CEP19: variants seen among roughly 807,000 people sequenced by gnomAD.
The protein encoded by CEP19 is centrosomal protein 19, also known as centrosomal protein of 19 kDa.
In CEP19, 14 loss-of-function variants were observed where a neutral mutation model predicts 17.5. The observed-to-expected ratio is 0.80, with a 90% CI of 0.53 to 1.25. CEP19 has a LOEUF of 1.25. CEP19 is among the 50% of genes most tolerant of loss of function. The pLI is 0.00. For missense variants in CEP19, 193 were observed against 192.0 expected, an observed-to-expected ratio of 1.01 and a Z score of -0.03; for synonymous variants, 59 against 65.5, an observed-to-expected ratio of 0.90 and a Z score of 0.48.
rs1428033110 is a variant in CEP19 at position 196,708,735 on chromosome 3, G to A, written c.-70-8C>T. The A allele has an allele frequency of 2.7e-6, 4 of 1,455,538 alleles. No individual in the cohort carries two copies. Among genetic ancestry groups the A allele is most frequent in the Non-Finnish European group, 3.8e-6 (4 of 1,058,500 alleles). The allele number at this position is 1,455,538 out of a possible 1,614,324, so 90.2% of individuals were successfully genotyped here. On this transcript the variant is annotated splice_polypyrimidine_tract_variant and splice_region_variant and intron_variant, in intron 1 of 2. Coordinates refer to ENST00000409690, the MANE Select transcript of CEP19 (RefSeq NM_032898.5). ...TTGCATAATGACTTCCTGCTAAAGG[G>A]AAAAAACAACTAGGTGTTGGATAAA...
In CEP19 at chr3:196,708,685, A is replaced by G; in HGVS notation, c.-28T>C. On this transcript the variant is annotated 5_prime_UTR_variant, in exon 2 of 3. Coordinates refer to ENST00000409690, the MANE Select transcript of CEP19 (RefSeq NM_032898.5). ...CCATGTACATGTCCGGGTAAGTCAG[A>G]GGAAATCTGATGAATATGTGTAAGT... 1 of 1,611,104 alleles carries G rather than the reference A, an allele frequency of 6.2e-7. No individual in the cohort carries two copies. The highest frequency in any genetic ancestry group is 1.1e-5 in the South Asian group (1 of 90,820).
chr3:196,712,150 A>T lies in CEP19; in HGVS notation c.-292T>A, dbSNP rs1711828830. 7.0e-6 allele frequency: 4 copies of T among 574,924 alleles called. No individual in the cohort carries two copies. The highest frequency in any genetic ancestry group is 1.3e-5 in the Non-Finnish European group (4 of 317,430). The allele number at this position is 574,924 out of a possible 1,614,324, so 35.6% of individuals were successfully genotyped here. ...CGAACCCTCAAACACCGGGAAGCGG[A>T]GGTGGGGGCCGGCTGGGGGACCGGT... On this transcript the variant is annotated 5_prime_UTR_variant, in exon 1 of 3. Coordinates refer to ENST00000409690, the MANE Select transcript of CEP19 (RefSeq NM_032898.5).
At position 196,707,430 on chromosome 3, in the gene CEP19, G is replaced by GTT. The variant is rs1214334513; in HGVS notation, c.*120_*121insAA. ...GCTTTAAATGTCCTGGTTTTGAAAA[G>GTT]TAACATGGTCAATCCCCTATAACCC... On this transcript the variant is annotated 3_prime_UTR_variant, in exon 3 of 3. Transcript: ENST00000409690. The GTT allele has an allele frequency of 7.2e-6, 8 of 1,110,172 alleles. No individual in the cohort carries two copies. The East Asian group carries it at 1.9e-4, about 26-fold the overall frequency. The allele number at this position is 1,110,172 out of a possible 1,614,324, so 68.8% of individuals were successfully genotyped here.
At chr3:196,711,096 T>C (rs1053236357) in intron 1 of CEP19, among the ~76,000 whole-genome samples, 21 of 140,418 alleles carry the variant, frequency 1.5e-4, no homozygotes, top group Admixed American at 4.3e-4. Flanking sequence ...CAGTTGGTAC[T>C]CAAATAATGT....
chr3:196,709,281 G>A (rs1461150381), intron 1 of CEP19, among the ~76,000 whole-genome samples: 9 of 152,158 alleles, frequency 5.9e-5, no homozygotes, highest in Admixed American at 3.3e-4. Context: ...TGTCCTGAGA[G>A]GTTCACCAAT....
chr3:196,710,160 T>C (rs1359217501), intron 1 of CEP19, among the ~76,000 whole-genome samples: 1 of 152,238 alleles, frequency 6.6e-6, no homozygotes, highest in Non-Finnish European at 1.5e-5. Context: ...TGTAACATTT[T>C]ATATGACTGC....
At chr3:196,710,764 C>G (rs1325153107) in intron 1 of CEP19, among the ~76,000 whole-genome samples, 1 of 149,638 alleles carries the variant, frequency 6.7e-6, no homozygotes, top group Non-Finnish European at 1.5e-5. Context: ...ATCGCCTGAA[C>G]CCAGGAGTTT....
chr3:196,711,935 A>T lies in CEP19; in HGVS notation c.-77T>A. On this transcript the variant is annotated 5_prime_UTR_variant, in exon 1 of 3. Transcript: ENST00000409690. Reference sequence around the variant, plus strand: ...GCAAGGCTGGCTTTCTTACCCTTAGAGGAATACAGAAATGACATCGTCTGC... The same window carrying T: ...GCAAGGCTGGCTTTCTTACCCTTAGTGGAATACAGAAATGACATCGTCTGC... The T allele has an allele frequency of 1.4e-6, 1 of 717,490 alleles. No individual in the cohort carries two copies. The highest frequency in any genetic ancestry group is 1.5e-5 in the South Asian group (1 of 67,606). The allele number at this position is 717,490 out of a possible 1,614,324, so 44.4% of individuals were successfully genotyped here.
In CEP19 at chr3:196,707,919, G is replaced by T; in HGVS notation, c.131-7C>A. On this transcript the variant is annotated splice_region_variant and splice_polypyrimidine_tract_variant and intron_variant, in intron 2 of 2. Coordinates refer to ENST00000409690, the MANE Select transcript of CEP19 (RefSeq NM_032898.5). ...TCAGCAGCTCTGGTGCAATCTGGGA[G>T]AGAGAAGAAAACTATATACCACATA... is the stretch of plus-strand genomic sequence containing the variant. 2 of 1,606,022 alleles carry T rather than the reference G, an allele frequency of 1.2e-6. No individual in the cohort carries two copies. Among genetic ancestry groups the T allele is most frequent in the South Asian group, 1.1e-5 (1 of 90,930 alleles).
At chr3:196,711,875 T>G in intron 1 of CEP19, 54 bp downstream of exon 1, 1 of 717,002 alleles carries the variant, frequency 1.4e-6, no homozygotes, top group Non-Finnish European at 2.6e-6. Flanking sequence ...CCCCAAAGAG[T>G]AGACGATTCT....
At chr3:196,708,753 T>C in intron 1 of CEP19, 26 bp from the exon 2 acceptor site, 2 of 1,276,508 alleles carry the variant, frequency 1.6e-6, no homozygotes, top group Non-Finnish European at 2.2e-6. Context: ...AACTAGGTGT[T>C]GGATAAATGT....
chr3:196,708,062 A>C (rs527577060), intron 2 of CEP19, 150 bp from the exon 3 acceptor site: 2 of 882,424 alleles, frequency 2.3e-6, no homozygotes, highest in East Asian at 5.0e-5. Flanking sequence ...CTTGATTGGA[A>C]TGAATTACTT....
intron 1 of CEP19, among the ~76,000 whole-genome samples, chr3:196,709,521 C>T (rs553538702): frequency 1.3e-5 from 2 of 152,276 alleles, no homozygotes; most frequent in South Asian, 2.1e-4. Flanking sequence ...AAAGCATTTA[C>T]AGTCTAGAAG....
At chr3:196,710,369 A>C (rs919408199) in intron 1 of CEP19, among the ~76,000 whole-genome samples, 5 of 151,502 alleles carry the variant, frequency 3.3e-5, no homozygotes, top group Non-Finnish European at 5.9e-5. Flanking sequence ...CATGGTGAAA[A>C]CCACGTCTGT....
At chr3:196,709,722 T>C (rs537303832) in intron 1 of CEP19, among the ~76,000 whole-genome samples, 13 of 152,346 alleles carry the variant, frequency 8.5e-5, no homozygotes, top group Admixed American at 7.2e-4. Flanking sequence ...AACAGCTATT[T>C]GTAGATGAAT....
intron 1 of CEP19, among the ~76,000 whole-genome samples, chr3:196,711,108 G>GTT (rs10669996): frequency 0.38 from 56,719 of 148,204 alleles, 10,819 homozygotes; most frequent in East Asian, 0.57. Context: ...AAATAATGTA[G>GTT]TTTTTTTTTT....
Position 196,712,112 on chromosome 3 carries a change from C to T in CEP19, c.-254G>A. The T allele has an allele frequency of 1.6e-6, 1 of 623,898 alleles. No individual in the cohort carries two copies. Among genetic ancestry groups the T allele is most frequent in the Non-Finnish European group, 3.0e-6 (1 of 338,756 alleles). 38.6% of individuals were successfully genotyped at this position (623,898 alleles called of 1,614,324 possible). ...CTGACGAGCCCGAGGGGTGAACTCC[C>T]CGGCGGGAGGCCCGAACCCTCAAAC... On this transcript the variant is annotated 5_prime_UTR_variant, in exon 1 of 3. Coordinates refer to ENST00000409690, the MANE Select transcript of CEP19 (RefSeq NM_032898.5).
intron 2 of CEP19, among the ~76,000 whole-genome samples, 180 bp downstream of exon 2, chr3:196,708,348 G>A (rs1711601383): frequency 6.6e-6 from 1 of 152,040 alleles, no homozygotes; most frequent in Non-Finnish European, 1.5e-5. Flanking sequence ...ATCCCAAAAG[G>A]ATTATTAATT....
chr3:196,707,979 G>T (rs1406457702), intron 2 of CEP19, 67 bp from the exon 3 acceptor site: 2 of 1,503,996 alleles, frequency 1.3e-6, no homozygotes, highest in East Asian at 2.3e-5. Flanking sequence ...ATAAACTACT[G>T]CAACAGCCAA....
Sources: gnomAD v4.1 joint callset for allele counts (sites outside exome capture counted in the v4.1 genomes callset) on GRCh38, gnomAD v4.1.1 for gene constraint, MANE v1.5 for transcripts, NCBI Gene and HGNC (gene_info 2026-07-23, HGNC 2026-07-21) for gene names.